The following TMC1 variants were observed in gnomAD, a reference collection of about 807,000 sequenced individuals.
TMC1 encodes transmembrane channel like 1, also known as transmembrane channel-like protein 1.
A neutral mutation model predicts 105.8 loss-of-function variants in TMC1; 84 were observed. The ratio of observed to expected loss-of-function variants is 0.79; its 90% CI spans 0.67 to 0.95. The LOEUF is 0.95. TMC1 is among the 40% of genes least tolerant of loss of function. TMC1 has a pLI of 0.00. For synonymous variants in TMC1, 315 were observed against 311.5 expected (o/e 1.01, Z -0.12); for missense variants, 817 against 914.1 (o/e 0.89, Z 1.37).
intron 8 of TMC1, 147 bp downstream of exon 8, chr9:72,700,790 T>C (rs867339760): frequency 6.2e-4 from 192 of 309,920 alleles, no homozygotes; most frequent in African/African-American, 4.1e-3. Flanking sequence ...ATACACTGTA[T>C]ATATAGTATA....
intron 1 of TMC1, among the ~76,000 whole-genome samples, chr9:72,550,109 A>G (rs893140340): frequency 4.6e-5 from 7 of 152,084 alleles, no homozygotes; most frequent in Non-Finnish European, 1.0e-4. Flanking sequence ...ATGCAGGACA[A>G]ATTGCCCTGA....
chr9:72,726,997 A>C (rs1827135890), intron 8 of TMC1, among the ~76,000 whole-genome samples: 1 of 152,248 alleles, frequency 6.6e-6, no homozygotes, highest in Non-Finnish European at 1.5e-5. Context: ...TGAGGCAAGC[A>C]AAATTAGCAC....
intron 12 of TMC1, among the ~76,000 whole-genome samples, chr9:72,762,905 T>C (rs955785287): frequency 6.6e-6 from 1 of 152,166 alleles, no homozygotes; most frequent in African/African-American, 2.4e-5. Context: ...GCATTTCATG[T>C]TCTATTCTAG....
chr9:72,532,226 C>T (rs893615120), intron 1 of TMC1, among the ~76,000 whole-genome samples: 1 of 152,080 alleles, frequency 6.6e-6, no homozygotes, highest in African/African-American at 2.4e-5. Flanking sequence ...CCACCATACC[C>T]AGCCTGAAGT....
intron 10 of TMC1, among the ~76,000 whole-genome samples, chr9:72,745,076 G>T (rs912944794): frequency 2.0e-5 from 3 of 152,108 alleles, no homozygotes; most frequent in Non-Finnish European, 1.5e-5. Flanking sequence ...AGTTTGTCAT[G>T]ACTTCTTCAC....
intron 8 of TMC1, among the ~76,000 whole-genome samples, chr9:72,722,199 TA>T (rs1827038043): frequency 6.6e-6 from 1 of 152,182 alleles, no homozygotes; most frequent in Non-Finnish European, 1.5e-5. Flanking sequence ...TTGATAGAGG[TA>T]AGGTCACCTT....
intron 1 of TMC1, among the ~76,000 whole-genome samples, chr9:72,558,702 A>G (rs1043219979): frequency 3.3e-5 from 5 of 152,184 alleles, no homozygotes; most frequent in Admixed American, 1.3e-4. Context: ...ATGCTTTTAC[A>G]TGCTTGTCAG....
intron 1 of TMC1, among the ~76,000 whole-genome samples, chr9:72,564,748 T>A (rs1465628823): frequency 6.6e-6 from 1 of 152,160 alleles, no homozygotes; most frequent in Non-Finnish European, 1.5e-5. Flanking sequence ...TTCCACACAC[T>A]CCAGCTCTCT....
At chr9:72,719,282 C>A (rs149816227) in intron 8 of TMC1, among the ~76,000 whole-genome samples, 1 of 152,288 alleles carries the variant, frequency 6.6e-6, no homozygotes, top group Non-Finnish European at 1.5e-5. Flanking sequence ...TTCCCAGTTC[C>A]TCTGGCAGCC....
intron 10 of TMC1, among the ~76,000 whole-genome samples, chr9:72,743,989 G>A (rs1204965437): frequency 6.6e-6 from 1 of 152,158 alleles, no homozygotes; most frequent in Non-Finnish European, 1.5e-5. Context: ...CTGGTTAAGT[G>A]TGGCGTTGTA....
chr9:72,761,282 G>C (rs1454447035), intron 12 of TMC1, among the ~76,000 whole-genome samples: 3 of 152,092 alleles, frequency 2.0e-5, no homozygotes, highest in Non-Finnish European at 4.4e-5. Flanking sequence ...AGAAGAAAAG[G>C]CTACACAGTT....
At chr9:72,570,342 C>G (rs1296103587) in intron 1 of TMC1, among the ~76,000 whole-genome samples, 1 of 151,158 alleles carries the variant, frequency 6.6e-6, no homozygotes, top group East Asian at 1.9e-4. Flanking sequence ...GCTGGTTGTT[C>G]TGATATTACC....
intron 12 of TMC1, among the ~76,000 whole-genome samples, chr9:72,756,871 A>C (rs573846559): frequency 4.3e-4 from 65 of 152,296 alleles, no homozygotes; most frequent in African/African-American, 1.5e-3. Flanking sequence ...TTGCTGTAAG[A>C]GAGTTACTAA....
At chr9:72,664,920 C>T (rs1189447409) in intron 5 of TMC1, among the ~76,000 whole-genome samples, 4 of 152,168 alleles carry the variant, frequency 2.6e-5, no homozygotes, top group Admixed American at 2.6e-4. Flanking sequence ...TTGAGAGTCA[C>T]AGGCACACAC....
At chr9:72,672,329 A>G (rs1309996826) in intron 5 of TMC1, among the ~76,000 whole-genome samples, 2 of 152,158 alleles carry the variant, frequency 1.3e-5, no homozygotes, top group African/African-American at 4.8e-5. Context: ...TTAATGAAAT[A>G]TAAATATTTT....
chr9:72,589,324 T>C (rs1824599853), intron 2 of TMC1, among the ~76,000 whole-genome samples: 1 of 152,252 alleles, frequency 6.6e-6, no homozygotes, highest in Non-Finnish European at 1.5e-5. Flanking sequence ...ATACATTGTG[T>C]TTCACAAATG....
At chr9:72,642,488 T>A (rs1488477521) in intron 4 of TMC1, among the ~76,000 whole-genome samples, 1 of 152,204 alleles carries the variant, frequency 6.6e-6, no homozygotes, top group African/African-American at 2.4e-5. Context: ...AGTAAAGCTA[T>A]CAGGTAGGGA....
At chr9:72,680,508 CT>C (rs1423372482) in intron 5 of TMC1, among the ~76,000 whole-genome samples, 2 of 152,054 alleles carry the variant, frequency 1.3e-5, no homozygotes, top group Admixed American at 6.6e-5. Flanking sequence ...TAGTTAATGA[CT>C]TGCTTTTTCT....
intron 4 of TMC1, among the ~76,000 whole-genome samples, chr9:72,645,379 T>C (rs548452002): frequency 1.8e-4 from 28 of 152,180 alleles, no homozygotes; most frequent in African/African-American, 6.7e-4. Flanking sequence ...AAAAGAACAT[T>C]AATAGGAGAT....
Sources: gnomAD v4.1 joint callset for allele counts (sites outside exome capture counted in the v4.1 genomes callset) on GRCh38, gnomAD v4.1.1 for gene constraint, MANE v1.5 for transcripts, NCBI Gene and HGNC (gene_info 2026-07-23, HGNC 2026-07-21) for gene names.